TTYH1: variants seen among roughly 807,000 people sequenced by gnomAD.
TTYH1 encodes tweety family member 1.
In TTYH1, 33 loss-of-function variants were observed where a neutral mutation model predicts 61.2. That is an observed-to-expected ratio of 0.54 (90% CI 0.41 to 0.72). TTYH1 has a LOEUF of 0.72. TTYH1 is among the 30% of genes least tolerant of loss of function. The pLI is 0.00. For missense variants in TTYH1, 538 were observed against 575.8 expected (o/e 0.93, Z 0.67); for synonymous variants, 308 against 266.4 (o/e 1.16, Z -1.52).
chr19:54,435,243 GGGGAGGACCCATGTGAAA>G (rs1330087775), intron 10 of TTYH1: 2 of 377,834 alleles, frequency 5.3e-6, no homozygotes, highest in Non-Finnish European at 9.6e-6. Flanking sequence ...GGTGCTGACT[GGGGAGGACCCATGTGAAA>G]GGGAGATAGG....
In TTYH1 at chr19:54,415,865, G is replaced by A. The variant is rs965006222; in HGVS notation, c.126+187G>A. The A allele has an allele frequency of 5.4e-5, 43 of 801,106 alleles. No individual in the cohort carries two copies. The highest frequency in any genetic ancestry group is 7.4e-5 in the Non-Finnish European group (39 of 527,106). The allele number at this position is 801,106 out of a possible 1,614,324, so 49.6% of individuals were successfully genotyped here. A position where few individuals can be genotyped will look rare whatever the true frequency, so the allele number is the denominator to read the frequency against. ...ATGCCTGGAGGTTCTCCTGGGACGC[G>A]CGCTGGGGGTCCAGACCTCGAGCTC... is the stretch of plus-strand genomic sequence containing the variant. On this transcript the variant is annotated intron_variant, in intron 1 of 13. Coordinates refer to ENST00000376530, the MANE Select transcript of TTYH1 (RefSeq NM_020659.4). The surrounding 1 kb of genome is among the most constrained non-coding windows in gnomAD (Gnocchi z 5.2).
rs997771753 is a variant in TTYH1, at chr19:54,421,184, A to C, written c.306-93A>C. The C allele has an allele frequency of 1.8e-5, 14 of 780,966 alleles. 1 individual carries two copies. In the African/African-American group the frequency reaches 2.1e-4, roughly 11 times the overall value. The allele number at this position is 780,966 out of a possible 1,614,324, so 48.4% of individuals were successfully genotyped here. A position where few individuals can be genotyped will look rare whatever the true frequency, so the allele number is the denominator to read the frequency against. On this transcript the variant is annotated intron_variant, in intron 2 of 13. Transcript: ENST00000376530. This position sits in a 1 kb window ranked among gnomAD's most constrained non-coding sequence, Gnocchi z 4.8. ...GGGGCTGAGATGGGAGGGGTGGATA[A>C]GAAGGCGAGGTGGAGGGGATGGGGT...
chr19:54,425,991 C>T (rs2083313428), intron 4 of TTYH1, among the ~76,000 whole-genome samples: 1 of 152,238 alleles, frequency 6.6e-6, no homozygotes, highest in South Asian at 2.1e-4. Flanking sequence ...GCGCGGATTA[C>T]AGGCGTGAGC....
Position 54,416,901 on chromosome 19 carries a change from C to T in TTYH1, c.126+1223C>T, listed in dbSNP as rs1165071703. The T allele has an allele frequency of 7.8e-7, 1 of 1,286,916 alleles. No individual in the cohort carries two copies. Among genetic ancestry groups the T allele is most frequent in the East Asian group, 5.6e-5 (1 of 17,748 alleles). 79.7% of individuals were successfully genotyped at this position (1,286,916 alleles called of 1,614,324 possible). A position where few individuals can be genotyped will look rare whatever the true frequency, so the allele number is the denominator to read the frequency against. ...ACCTCCCGAAGCCGCACGCGGGGAT[C>T]CGCGGCCCCAGTCACCGCCAGAGGC... On this transcript the variant is annotated intron_variant, in intron 1 of 13. Transcript: ENST00000376530. The surrounding 1 kb of genome is among the most constrained non-coding windows in gnomAD (Gnocchi z 7.0).
chr19:54,415,942 G>T lies in TTYH1; in HGVS notation c.126+264G>T, dbSNP rs1479358956. The T allele has an allele frequency of 5.0e-6, 5 of 999,746 alleles. No homozygotes were observed. The highest frequency in any genetic ancestry group is 7.3e-6 in the Non-Finnish European group (5 of 687,954). The allele number at this position is 999,746 out of a possible 1,614,324, so 61.9% of individuals were successfully genotyped here. A position where few individuals can be genotyped will look rare whatever the true frequency, so the allele number is the denominator to read the frequency against. ...GCACCCCTGAGTTCATGGAGAGGAG[G>T]GGAGGGGGGCCCGGATTCCCGGGTG... is the stretch of plus-strand genomic sequence containing the variant. On this transcript the variant is annotated intron_variant, in intron 1 of 13. Coordinates refer to ENST00000376530, the MANE Select transcript of TTYH1 (RefSeq NM_020659.4). The surrounding 1 kb of genome is among the most constrained non-coding windows in gnomAD (Gnocchi z 5.2).
chr19:54,430,943 C>A (rs749060504), intron 9 of TTYH1, 38 bp downstream of exon 9: 17 of 1,524,636 alleles, frequency 1.1e-5, no homozygotes, highest in South Asian at 3.3e-5. Flanking sequence ...GCGGACCCCA[C>A]GGGGAAGGCG....
intron 10 of TTYH1, 28 bp from the exon 11 acceptor site, chr19:54,435,514 G>C: frequency 6.4e-7 from 1 of 1,566,962 alleles, no homozygotes; most frequent in Non-Finnish European, 8.6e-7. Context: ...GGGTGGGGAC[G>C]CATGGCCTGA....
In TTYH1 at chr19:54,425,919, T is replaced by C. The variant is rs150875531; in HGVS notation, c.639-754T>C. Among the ~76,000 whole-genome samples the C allele has an allele frequency of 8.9e-3, 1,354 of 152,144 alleles. 21 individuals carry two copies. The highest frequency in any genetic ancestry group is 0.03 in the African/African-American group (1,236 of 41,498). On this transcript the variant is annotated intron_variant, in intron 4 of 13. Coordinates refer to ENST00000376530, the MANE Select transcript of TTYH1 (RefSeq NM_020659.4). ...TTAGTAAAGACGGGGTTTCACCATGTTGGCCAGGCTGGTCTCAAACTCCTG... is the reference window on the plus strand; with the variant it reads ...TTAGTAAAGACGGGGTTTCACCATGCTGGCCAGGCTGGTCTCAAACTCCTG...
rs3745420 is a variant in TTYH1 at position 54,435,604 on chromosome 19, A to C, written c.1188A>C (p.Leu396=). Residue 396 remains leucine, a synonymous_variant, in exon 11 of 14, where the codon CTA becomes CTC. Coordinates refer to ENST00000376530, the MANE Select transcript of TTYH1 (RefSeq NM_020659.4). ...CCCTGGAAGGCCTGCTCTTCCTGCTACTCTTCTCCCTGCTGTCTGCAGGAG... is the reference window on the plus strand; with the variant it reads ...CCCTGGAAGGCCTGCTCTTCCTGCTCCTCTTCTCCCTGCTGTCTGCAGGAG... ...EDALEGLLFL[L]LFSLLSAGAL... 9 of 1,611,102 alleles carry C rather than the reference A, an allele frequency of 5.6e-6. No homozygotes were observed. The highest frequency in any genetic ancestry group is 5.9e-6 in the Non-Finnish European group (7 of 1,179,460).
chr19:54,430,769 G>A (rs750611337), intron 8 of TTYH1, 44 bp from the exon 9 acceptor site: 3 of 1,598,344 alleles, frequency 1.9e-6, no homozygotes, highest in East Asian at 2.3e-5. Flanking sequence ...AGGGCCGGGG[G>A]CGTATACTCC....
chr19:54,429,394 C>T lies in TTYH1; in HGVS notation c.807+15C>T, dbSNP rs763462079. 3.3e-5 allele frequency: 53 copies of T among 1,612,814 alleles called. No homozygotes were observed. The highest frequency in any genetic ancestry group is 2.7e-4 in the South Asian group (25 of 91,048). On this transcript the variant is annotated intron_variant, in intron 6 of 13. Coordinates refer to ENST00000376530, the MANE Select transcript of TTYH1 (RefSeq NM_020659.4). This position sits in a 1 kb window ranked among gnomAD's most constrained non-coding sequence, Gnocchi z 5.1. ...CCACGGCCGTGGTGAGTGCCAGGGC[C>T]GGGCCATTGGGCTCTGGGACTCAGG...
rs2083175870 is a variant in TTYH1, at chr19:54,420,054, A to C, written c.305+748A>C. ...GTCACCTTTCAAGGCCACGTGGCTT[A>C]AGAGGCAGCACAGAGATTCAGACCC... On this transcript the variant is annotated intron_variant, in intron 2 of 13. Transcript: ENST00000376530. This position sits in a 1 kb window ranked among gnomAD's most constrained non-coding sequence, Gnocchi z 4.8. 6.6e-6 allele frequency among the ~76,000 whole-genome samples: 1 copy of C among 152,106 alleles called. No homozygotes were observed. The highest frequency in any genetic ancestry group is 1.5e-5 in the Non-Finnish European group (1 of 68,010).
rs1237984070 is a variant in TTYH1 at position 54,420,531 on chromosome 19, T to G, written c.306-746T>G. The G allele has an allele frequency of 6.7e-6, 1 of 150,100 alleles. No individual in the cohort carries two copies. The highest frequency in any genetic ancestry group is 1.5e-5 in the Non-Finnish European group (1 of 67,626). The allele number at this position is 150,100 out of a possible 1,614,324, so 9.3% of individuals were successfully genotyped here. Reference sequence around the variant, plus strand: ...GGGAGGGTGTCAGGCTCCCGCCCCCTCCACTGCGGGACACCGGCCGGGGGC... The same window carrying G: ...GGGAGGGTGTCAGGCTCCCGCCCCCGCCACTGCGGGACACCGGCCGGGGGC... On this transcript the variant is annotated intron_variant, in intron 2 of 13. Coordinates refer to ENST00000376530, the MANE Select transcript of TTYH1 (RefSeq NM_020659.4). The surrounding 1 kb of genome is among the most constrained non-coding windows in gnomAD (Gnocchi z 4.8).
chr19:54,427,398 G>GA (rs2083344518), intron 5 of TTYH1, among the ~76,000 whole-genome samples: 2 of 147,550 alleles, frequency 1.4e-5, no homozygotes, highest in Non-Finnish European at 3.0e-5. Context: ...GAGGTCAGGA[G>GA]TTCGAGACCA....
At position 54,419,789 on chromosome 19, in the gene TTYH1, C is replaced by T. The variant is rs900108502; in HGVS notation, c.305+483C>T. On this transcript the variant is annotated intron_variant, in intron 2 of 13. Coordinates refer to ENST00000376530, the MANE Select transcript of TTYH1 (RefSeq NM_020659.4). The surrounding 1 kb of genome is among the most constrained non-coding windows in gnomAD (Gnocchi z 6.1). ...TCCGTCATTCACCAGCTCATTCATT[C>T]GACAACTGTTTATTGAGTATTTACT... is the stretch of plus-strand genomic sequence containing the variant. 4.6e-5 allele frequency among the ~76,000 whole-genome samples: 7 copies of T among 152,152 alleles called. No individual in the cohort carries two copies. The highest frequency in any genetic ancestry group is 2.1e-4 in the South Asian group (1 of 4,832).
In TTYH1 at chr19:54,436,159, G is replaced by C; in HGVS notation, c.*30G>C. The C allele has an allele frequency of 6.2e-7, 1 of 1,614,054 alleles. No individual in the cohort carries two copies. The highest frequency in any genetic ancestry group is 8.5e-7 in the Non-Finnish European group (1 of 1,179,962). ...CTCCTCCCGGCTGGACTGGAGCCTG[G>C]CTCCCCTCTTCGGTGAGCTTCCAAG... is the stretch of plus-strand genomic sequence containing the variant. On this transcript the variant is annotated 3_prime_UTR_variant, in exon 13 of 14. Coordinates refer to ENST00000376530, the MANE Select transcript of TTYH1 (RefSeq NM_020659.4). This position sits in a 1 kb window ranked among gnomAD's most constrained non-coding sequence, Gnocchi z 4.3.
Position 54,420,637 on chromosome 19 carries a change from G to C in TTYH1, c.306-640G>C, listed in dbSNP as rs370434281. The C allele has an allele frequency of 1.2e-5, 2 of 165,356 alleles. No homozygotes were observed. The highest frequency in any genetic ancestry group is 2.9e-5 in the Non-Finnish European group (2 of 68,468). 10.2% of individuals were successfully genotyped at this position (165,356 alleles called of 1,614,324 possible). A position where few individuals can be genotyped will look rare whatever the true frequency, so the allele number is the denominator to read the frequency against. ...GTCGGTAGGGTGGGGGCGGGGGCAC[G>C]GCTTCTCGCCCATCCTCCAGCCTCC... On this transcript the variant is annotated intron_variant, in intron 2 of 13. Transcript: ENST00000376530. This position sits in a 1 kb window ranked among gnomAD's most constrained non-coding sequence, Gnocchi z 4.8.
At position 54,415,670 on chromosome 19, in the gene TTYH1, T is replaced by C; in HGVS notation, c.118T>C (p.Tyr40His). The C allele has an allele frequency of 6.4e-7, 1 of 1,558,774 alleles. No homozygotes were observed. Among genetic ancestry groups the C allele is most frequent in the South Asian group, 1.2e-5 (1 of 84,340 alleles). The change falls in exon 1 of 14, where the codon TAC (tyrosine) becomes CAC (histidine). Residue 40 changes from tyrosine to histidine, a missense_variant. Transcript: ENST00000376530. This position sits in a 1 kb window ranked among gnomAD's most constrained non-coding sequence, Gnocchi z 5.2. ...CGTTTTCGCGCCCCAAGAGCAGGAA[T>C]ACCAGCAGGTGGGACCGGGCGCCAG... is the stretch of plus-strand genomic sequence containing the variant. The part of the protein sequence containing the change: ...PSVFAPQEQE[Y>H]QQALLLVAAL...
At position 54,419,425 on chromosome 19, in the gene TTYH1, T is replaced by C; in HGVS notation, c.305+119T>C. Reference sequence around the variant, plus strand: ...AGCAGACAGGAAGGAGGAAACTCCCTCGTCCCTGTCCCTGCCATTTGCAAG... The same window carrying C: ...AGCAGACAGGAAGGAGGAAACTCCCCCGTCCCTGTCCCTGCCATTTGCAAG... On this transcript the variant is annotated intron_variant, in intron 2 of 13. Coordinates refer to ENST00000376530, the MANE Select transcript of TTYH1 (RefSeq NM_020659.4). The surrounding 1 kb of genome is among the most constrained non-coding windows in gnomAD (Gnocchi z 6.1). The C allele has an allele frequency of 9.2e-7, 1 of 1,092,560 alleles. No homozygotes were observed. The highest frequency in any genetic ancestry group is 1.3e-5 in the South Asian group (1 of 74,842). 67.7% of individuals were successfully genotyped at this position (1,092,560 alleles called of 1,614,324 possible).
Sources: allele counts gnomAD v4.1 joint callset (sites outside exome capture counted in the v4.1 genomes callset), GRCh38; gene constraint gnomAD v4.1.1; non-coding constraint Gnocchi (gnomAD v3.1); transcripts MANE v1.5; gene names NCBI Gene and HGNC (gene_info 2026-07-23, HGNC 2026-07-21).